ITFG1: variants seen among roughly 807,000 people sequenced by gnomAD.
The protein encoded by ITFG1 is integrin alpha FG-GAP repeat containing 1.
ITFG1 carries 34 observed loss-of-function variants against 81.8 expected under a neutral mutation model. That is an observed-to-expected ratio of 0.42 (90% CI 0.32 to 0.55). ITFG1 has a LOEUF of 0.55. Among genes scored for constraint, ITFG1 ranks in the 20% least tolerant of loss-of-function variants. ITFG1 has a pLI of 0.17. For missense variants in ITFG1, 672 were observed against 755.4 expected (o/e 0.89, Z 1.29); for synonymous variants, 285 against 270.6 (o/e 1.05, Z -0.52).
chr16:47,348,934 C>G (rs531303343), intron 8 of ITFG1, among the ~76,000 whole-genome samples: 1 of 152,302 alleles, frequency 6.6e-6, no homozygotes, highest in Non-Finnish European at 1.5e-5. Context: ...GAATTTTTAA[C>G]CCAGAATTTC....
intron 8 of ITFG1, among the ~76,000 whole-genome samples, chr16:47,363,484 C>T (rs1233457218): frequency 2.6e-5 from 4 of 152,096 alleles, no homozygotes; most frequent in Non-Finnish European, 5.9e-5. Flanking sequence ...ATTCTCCTGC[C>T]TCAGCCCCGA....
At chr16:47,183,086 G>C (rs949608265) in intron 14 of ITFG1, among the ~76,000 whole-genome samples, 2 of 152,186 alleles carry the variant, frequency 1.3e-5, no homozygotes, top group Non-Finnish European at 2.9e-5. Context: ...GCGCACAAGA[G>C]ATTATATCCC....
At chr16:47,324,149 T>A (rs1228646702) in intron 8 of ITFG1, among the ~76,000 whole-genome samples, 1 of 152,112 alleles carries the variant, frequency 6.6e-6, no homozygotes, top group East Asian at 1.9e-4. Context: ...TCTTTAAAAA[T>A]CTACAAGCCA....
At chr16:47,437,847 G>A (rs1343654679) in intron 5 of ITFG1, among the ~76,000 whole-genome samples, 2 of 152,218 alleles carry the variant, frequency 1.3e-5, no homozygotes, top group African/African-American at 4.8e-5. Flanking sequence ...CGGACAGTGG[G>A]TGCAGCGCAC....
At chr16:47,405,572 G>T (rs2151600775) in intron 6 of ITFG1, among the ~76,000 whole-genome samples, 1 of 152,186 alleles carries the variant, frequency 6.6e-6, no homozygotes, top group South Asian at 2.1e-4. Flanking sequence ...AAGTTTAGAG[G>T]CAGAAAGGCC....
intron 6 of ITFG1, among the ~76,000 whole-genome samples, chr16:47,376,802 C>T (rs569275888): frequency 6.6e-6 from 1 of 151,966 alleles, no homozygotes; most frequent in East Asian, 1.9e-4. Context: ...AACCCCATCG[C>T]TACTAAAAAT....
At chr16:47,365,503 C>T (rs913648717) in intron 8 of ITFG1, 2 of 302,238 alleles carry the variant, frequency 6.6e-6, no homozygotes, top group South Asian at 8.5e-5. Flanking sequence ...TAATTAATAC[C>T]TGGAATTCTC....
chr16:47,219,202 A>T lies in ITFG1; in HGVS notation c.1375-256T>A, dbSNP rs189645801. On this transcript the variant is annotated intron_variant, in intron 13 of 17. Coordinates refer to ENST00000320640, the MANE Select transcript of ITFG1 (RefSeq NM_030790.5). Reference sequence around the variant, plus strand: ...AATGATTTAATAGTTGCAATTATTCAGTTCGTTATTTTAACTGGGTATTTC... The same window carrying T: ...AATGATTTAATAGTTGCAATTATTCTGTTCGTTATTTTAACTGGGTATTTC... 1.4e-4 allele frequency among the ~76,000 whole-genome samples: 22 copies of T among 152,304 alleles called. No homozygotes were observed. The East Asian group carries it at 4.2e-3, about 29-fold the overall frequency.
At chr16:47,330,870 G>T (rs1967627845) in intron 8 of ITFG1, among the ~76,000 whole-genome samples, 1 of 152,110 alleles carries the variant, frequency 6.6e-6, no homozygotes, top group Non-Finnish European at 1.5e-5. Context: ...ACACACTGTT[G>T]GTGGAAATGT....
At chr16:47,421,874 CCT>C (rs570041661) in intron 6 of ITFG1, among the ~76,000 whole-genome samples, 84 of 152,250 alleles carry the variant, frequency 5.5e-4, no homozygotes, top group African/African-American at 1.9e-3. Flanking sequence ...TTCCCCGCCC[CCT>C]GTCCATGTGT....
At chr16:47,282,802 T>C (rs1966463764) in intron 10 of ITFG1, among the ~76,000 whole-genome samples, 1 of 152,148 alleles carries the variant, frequency 6.6e-6, no homozygotes, top group Non-Finnish European at 1.5e-5. Flanking sequence ...GATGGTATAT[T>C]TCATTGTGGT....
intron 6 of ITFG1, among the ~76,000 whole-genome samples, chr16:47,391,710 T>C (rs939575760): frequency 9.9e-5 from 15 of 152,202 alleles, no homozygotes; most frequent in African/African-American, 2.9e-4. Context: ...GGATAAATAT[T>C]AGAAATATAT....
chr16:47,389,155 ACTGTCCCGCAACAAC>A (rs1968499691), intron 6 of ITFG1, among the ~76,000 whole-genome samples: 1 of 152,138 alleles, frequency 6.6e-6, no homozygotes, highest in Non-Finnish European at 1.5e-5. Context: ...TTTCGGTCTG[ACTGTCCCGCAACAAC>A]CTTATAAAAA....
At chr16:47,411,019 C>T (rs993338611) in intron 6 of ITFG1, among the ~76,000 whole-genome samples, 4 of 152,304 alleles carry the variant, frequency 2.6e-5, no homozygotes, top group East Asian at 1.9e-4. Flanking sequence ...GCACAACCTC[C>T]GCTGAGCAGT....
rs918194335 is a variant in ITFG1, at chr16:47,384,825, C to A, written c.656-8885G>T. Among the ~76,000 whole-genome samples, 6 of 152,162 alleles carry A rather than the reference C, an allele frequency of 3.9e-5. No individual in the cohort carries two copies. The South Asian group carries it at 1.2e-3, about 32-fold the overall frequency. ...GGGCATGGTGGCTCACACCTGTAAT[C>A]CCAGCACTTTGGGAGGTCAAGGTGG... On this transcript the variant is annotated intron_variant, in intron 6 of 17. Transcript: ENST00000320640.
At chr16:47,160,824 A>G (rs1964793702) in intron 16 of ITFG1, among the ~76,000 whole-genome samples, 1 of 152,172 alleles carries the variant, frequency 6.6e-6, no homozygotes, top group African/African-American at 2.4e-5. Flanking sequence ...AACTGATTTC[A>G]GTGTGACTTC....
At chr16:47,254,020 T>C (rs754885081) in intron 12 of ITFG1, among the ~76,000 whole-genome samples, 6 of 152,202 alleles carry the variant, frequency 3.9e-5, no homozygotes, top group Non-Finnish European at 8.8e-5. Flanking sequence ...TGAGTATCAA[T>C]GGACAGAACT....
intron 5 of ITFG1, among the ~76,000 whole-genome samples, chr16:47,438,580 G>A (rs941518064): frequency 6.6e-6 from 1 of 152,198 alleles, no homozygotes; most frequent in African/African-American, 2.4e-5. Context: ...AACAGGGTCT[G>A]GAGTGGACCT....
chr16:47,258,571 G>C, intron 12 of ITFG1, 61 bp downstream of exon 12: 1 of 787,390 alleles, frequency 1.3e-6, no homozygotes, highest in Non-Finnish European at 2.2e-6. Context: ...CTTGCTCTTT[G>C]GAATATGTGG....
Sources: allele counts gnomAD v4.1 joint callset (sites outside exome capture counted in the v4.1 genomes callset), GRCh38; gene constraint gnomAD v4.1.1; transcripts MANE v1.5; gene names NCBI Gene and HGNC (gene_info 2026-07-23, HGNC 2026-07-21).